SDK1: variants seen among roughly 807,000 people sequenced by gnomAD.
SDK1 encodes the protein sidekick cell adhesion molecule 1.
A neutral mutation model predicts 245.5 loss-of-function variants in SDK1; 157 were observed. That is an observed-to-expected ratio of 0.64 (90% CI 0.56 to 0.73). SDK1 has a LOEUF of 0.73. SDK1 is among the 30% of genes least tolerant of loss of function. The pLI, the probability that SDK1 is intolerant of heterozygous loss-of-function variation, is 0.00. For synonymous variants in SDK1, 1,647 were observed against 1,278.5 expected (o/e 1.29, Z -6.15); for missense variants, 3,583 against 3,002.3 (o/e 1.19, Z -4.52).
intron 4 of SDK1, among the ~76,000 whole-genome samples, chr7:3,680,384 T>A (rs537378840): frequency 6.6e-6 from 1 of 152,276 alleles, no homozygotes; most frequent in Non-Finnish European, 1.5e-5. Flanking sequence ...TAGGACAGTC[T>A]GTGTGTTGAT....
intron 1 of SDK1, among the ~76,000 whole-genome samples, chr7:3,347,935 G>T (rs1780552377): frequency 6.6e-6 from 1 of 151,788 alleles, no homozygotes. Context: ...CTGAAAATAA[G>T]TGGAGGTTCA....
In SDK1 at chr7:4,141,810, G is replaced by A. The variant is rs568993969; in HGVS notation, c.4229-3912G>A. Reference sequence around the variant, plus strand: ...CTCGCTCAGTCGCCCAGGCTGGAGTGCAGTGGCGTGATCTTGGCTCACTGC... The same window carrying A: ...CTCGCTCAGTCGCCCAGGCTGGAGTACAGTGGCGTGATCTTGGCTCACTGC... On this transcript the variant is annotated intron_variant, in intron 28 of 44. Transcript: ENST00000404826. Among the ~76,000 whole-genome samples, 402 of 152,332 alleles carry A rather than the reference G, an allele frequency of 2.6e-3. 1 individual carries two copies. Among genetic ancestry groups the A allele is most frequent in the African/African-American group, 8.7e-3 (361 of 41,570 alleles).
intron 2 of SDK1, among the ~76,000 whole-genome samples, chr7:3,636,628 A>G (rs1380128170): frequency 1.3e-5 from 2 of 152,100 alleles, no homozygotes; most frequent in African/African-American, 4.8e-5. Flanking sequence ...GGTTGTTTCC[A>G]TCTCTTGGCT....
chr7:3,726,785 C>G lies in SDK1; in HGVS notation c.713+84680C>G, dbSNP rs192830557. 3.5e-3 allele frequency among the ~76,000 whole-genome samples: 530 copies of G among 152,312 alleles called. 4 individuals carry two copies. The highest frequency in any genetic ancestry group is 0.016 in the South Asian group (78 of 4,818). On this transcript the variant is annotated intron_variant, in intron 4 of 44. Coordinates refer to ENST00000404826, the MANE Select transcript of SDK1 (RefSeq NM_152744.4). ...ACCTTCCTGCAGAAGGGTGTCCAAACTTCCTGGGCTTTATTCCTCTATTAA... is the reference window on the plus strand; with the variant it reads ...ACCTTCCTGCAGAAGGGTGTCCAAAGTTCCTGGGCTTTATTCCTCTATTAA...
chr7:3,842,162 C>G (rs562402262), intron 5 of SDK1, among the ~76,000 whole-genome samples: 1 of 152,206 alleles, frequency 6.6e-6, no homozygotes, highest in African/African-American at 2.4e-5. Context: ...TGGCCTGAAT[C>G]ACCAGGGGTA....
At chr7:3,330,304 G>C (rs4495320) in intron 1 of SDK1, among the ~76,000 whole-genome samples, 6 of 151,956 alleles carry the variant, frequency 3.9e-5, no homozygotes, top group African/African-American at 9.7e-5. Context: ...TCCAATACCA[G>C]TGTGTGAGGG....
intron 1 of SDK1, among the ~76,000 whole-genome samples, chr7:3,570,348 GAAAA>G (rs967748929): frequency 1.3e-5 from 2 of 152,122 alleles, no homozygotes; most frequent in African/African-American, 4.8e-5. Context: ...ATGCCCCTAT[GAAAA>G]TCAAACGCCG....
chr7:4,010,496 G>GAAA (rs1369539067), intron 14 of SDK1, among the ~76,000 whole-genome samples: 1 of 152,160 alleles, frequency 6.6e-6, no homozygotes, highest in Non-Finnish European at 1.5e-5. Context: ...GATGGGCTGC[G>GAAA]AAATACACAG....
At chr7:3,437,370 T>G (rs1780059387) in intron 1 of SDK1, among the ~76,000 whole-genome samples, 1 of 152,190 alleles carries the variant, frequency 6.6e-6, no homozygotes, top group Non-Finnish European at 1.5e-5. Context: ...AAAGAATGTT[T>G]TAGCATAATG....
intron 5 of SDK1, among the ~76,000 whole-genome samples, chr7:3,929,613 G>A (rs1222843632): frequency 6.6e-6 from 1 of 152,170 alleles, no homozygotes; most frequent in African/African-American, 2.4e-5. Context: ...AATGTTGATT[G>A]AAGTGTTATC....
In SDK1 at chr7:4,265,275, CG is replaced by C. The variant is rs1788392508; in HGVS notation, c.6536del (p.Gly2179AlafsTer64). ...HRYEAVAGSEAGAQLHPVITT... is the reference protein window; with the variant it reads ...HRYEAVAGSEXGAQLHPVITT... ...TACGAGGCGGTGGCGGGCTCCGAGG[CG>C]GGCGCGCAGCTGCACCCGGTCATCA... On this transcript the variant is annotated frameshift_variant, in exon 45 of 45. Coordinates refer to ENST00000404826, the MANE Select transcript of SDK1 (RefSeq NM_152744.4). LOFTEE classifies it high-confidence loss of function. 6.3e-7 allele frequency: 1 copy of C among 1,590,984 alleles called. No individual in the cohort carries two copies. Among genetic ancestry groups the C allele is most frequent in the Non-Finnish European group, 8.5e-7 (1 of 1,174,596 alleles).
intron 1 of SDK1, among the ~76,000 whole-genome samples, chr7:3,435,344 T>TTTTTTTTTTTTTTTG: frequency 7.3e-6 from 1 of 136,612 alleles, no homozygotes; most frequent in Non-Finnish European, 1.6e-5. Context: ...TTTTTTTTTT[T>TTTTTTTTTTTTTTTG]TTTTGAGACG....
At chr7:4,006,760 C>T (rs772241650) in intron 14 of SDK1, among the ~76,000 whole-genome samples, 2 of 152,186 alleles carry the variant, frequency 1.3e-5, no homozygotes, top group African/African-American at 4.8e-5. Flanking sequence ...GGGCAGGCCC[C>T]GAGATGCAGA....
intron 1 of SDK1, among the ~76,000 whole-genome samples, chr7:3,534,581 G>T (rs966555740): frequency 3.3e-5 from 5 of 152,026 alleles, no homozygotes; most frequent in African/African-American, 9.7e-5. Flanking sequence ...CAACAGGTGT[G>T]AGGTGGTGTT....
chr7:3,542,446 G>T (rs1463340945), intron 1 of SDK1, among the ~76,000 whole-genome samples: 1 of 152,050 alleles, frequency 6.6e-6, no homozygotes, highest in African/African-American at 2.4e-5. Flanking sequence ...TCCTGGGCTG[G>T]GCCTTTCCTC....
intron 17 of SDK1, among the ~76,000 whole-genome samples, chr7:4,045,749 C>T (rs552713731): frequency 6.6e-6 from 1 of 152,228 alleles, no homozygotes; most frequent in South Asian, 2.1e-4. Flanking sequence ...GTTGTTATTG[C>T]TGTTGGTTTG....
intron 4 of SDK1, among the ~76,000 whole-genome samples, chr7:3,757,040 A>G (rs1290730431): frequency 1.3e-5 from 2 of 151,916 alleles, no homozygotes; most frequent in Admixed American, 6.6e-5. Context: ...GTGTTTTTCC[A>G]TACTGATTCT....
intron 1 of SDK1, among the ~76,000 whole-genome samples, chr7:3,530,112 C>T (rs1268583301): frequency 6.6e-6 from 1 of 152,060 alleles, no homozygotes; most frequent in East Asian, 1.9e-4. Context: ...GTCCCTAAAC[C>T]TAGCACCAAT....
intron 7 of SDK1, among the ~76,000 whole-genome samples, chr7:3,955,131 G>A (rs541047986): frequency 8.1e-4 from 124 of 152,270 alleles, no homozygotes; most frequent in Non-Finnish European, 1.6e-3. Flanking sequence ...ACGATGGCTC[G>A]GAAACTCGGA....
Sources: allele counts gnomAD v4.1 joint callset (sites outside exome capture counted in the v4.1 genomes callset), GRCh38; gene constraint gnomAD v4.1.1; transcripts MANE v1.5; gene names NCBI Gene and HGNC (gene_info 2026-07-23, HGNC 2026-07-21).